The following FILIP1L variants were observed in gnomAD, a reference collection of about 807,000 sequenced individuals.
The protein encoded by FILIP1L is filamin A interacting protein 1 like, also known as filamin A-interacting protein 1-like.
In FILIP1L, 55 loss-of-function variants were observed where a neutral mutation model predicts 96.6. The observed-to-expected ratio is 0.57, with a 90% confidence interval of 0.46 to 0.71. The LOEUF (loss-of-function observed/expected upper bound fraction) is 0.71, where lower values mean the gene tolerates loss of function less well. FILIP1L is among the 30% of genes least tolerant of loss of function. FILIP1L has a pLI of 0.00. For missense variants in FILIP1L, 1,304 were observed against 1,321.2 expected, an observed-to-expected ratio of 0.99 and a Z score of 0.20; for synonymous variants, 467 against 473.9, an observed-to-expected ratio of 0.99 and a Z score of 0.19.
intron 1 of FILIP1L, among the ~76,000 whole-genome samples, chr3:100,046,835 C>T (rs1208840300): frequency 6.6e-6 from 1 of 152,154 alleles, no homozygotes; most frequent in East Asian, 1.9e-4. Flanking sequence ...AGTAAGTGCT[C>T]AGTGAGTGGT....
At chr3:99,832,424 G>T (rs1312747834) in intron 5 of FILIP1L, among the ~76,000 whole-genome samples, 1 of 149,250 alleles carries the variant, frequency 6.7e-6, no homozygotes, top group Non-Finnish European at 1.5e-5. Flanking sequence ...TAGAGACGGG[G>T]TTTCACTGTG....
rs370762577 is a variant in FILIP1L, at chr3:99,829,574, C to T, written c.*840G>A. Among the ~76,000 whole-genome samples the T allele has an allele frequency of 5.3e-5, 8 of 152,274 alleles. No homozygotes were observed. The East Asian group carries it at 9.6e-4, about 18-fold the overall frequency. ...GGCTTAGATTGATGAATGCAAAGCT[C>T]GTTGTCACATGAATGAAAATCTAGG... On this transcript the variant is annotated 3_prime_UTR_variant, in exon 6 of 6. Coordinates refer to ENST00000477258, the MANE Select transcript of FILIP1L (RefSeq NM_001387850.1).
chr3:99,978,933 G>T (rs892144357), intron 1 of FILIP1L, among the ~76,000 whole-genome samples: 1 of 152,116 alleles, frequency 6.6e-6, no homozygotes, highest in Non-Finnish European at 1.5e-5. Flanking sequence ...GATTACTGGA[G>T]GCTGGGAGGA....
In FILIP1L at chr3:100,045,853, C is replaced by A. The variant is rs540436491; in HGVS notation, c.-11+68200G>T. On this transcript the variant is annotated intron_variant, in intron 1 of 5. Transcript: ENST00000477258. ...TGGCATTCCTAATGATGATAATGAT[C>A]CCACTTGGTGGAGTCTGACCCTCCC... 2.6e-5 allele frequency among the ~76,000 whole-genome samples: 4 copies of A among 152,256 alleles called. No homozygotes were observed. In the East Asian group the frequency reaches 5.8e-4, roughly 22 times the overall value.
intron 4 of FILIP1L, among the ~76,000 whole-genome samples, chr3:99,884,487 G>A (rs1705829846): frequency 6.6e-6 from 1 of 152,162 alleles, no homozygotes; most frequent in Non-Finnish European, 1.5e-5. Flanking sequence ...AGTGGAAAGG[G>A]AAGGGAAAGG....
intron 5 of FILIP1L, among the ~76,000 whole-genome samples, chr3:99,845,998 A>G (rs958926836): frequency 1.3e-5 from 2 of 152,242 alleles, no homozygotes; most frequent in African/African-American, 4.8e-5. Context: ...TCATAATAGA[A>G]CACAAGACTT....
rs570126366 is a variant in FILIP1L, at chr3:100,073,458, G to A, written c.-11+40595C>T. Among the ~76,000 whole-genome samples the A allele has an allele frequency of 4.6e-5, 7 of 152,248 alleles. No homozygotes were observed. The East Asian group carries it at 1.3e-3, about 29-fold the overall frequency. Reference sequence around the variant, plus strand: ...AGTAAATGTTGTCTGCAGCTTCCTCGAAAAGACTGGGGTAGAGGAGATTGC... The same window carrying A: ...AGTAAATGTTGTCTGCAGCTTCCTCAAAAAGACTGGGGTAGAGGAGATTGC... On this transcript the variant is annotated intron_variant, in intron 1 of 5. Transcript: ENST00000477258.
chr3:100,059,397 A>C (rs2065520747), intron 1 of FILIP1L, among the ~76,000 whole-genome samples: 1 of 152,202 alleles, frequency 6.6e-6, no homozygotes, highest in African/African-American at 2.4e-5. Context: ...TTTTAGCCTC[A>C]TCTCCGTGAT....
chr3:100,013,467 C>T (rs1710227239), intron 1 of FILIP1L, among the ~76,000 whole-genome samples: 1 of 151,922 alleles, frequency 6.6e-6, no homozygotes, highest in South Asian at 2.1e-4. Flanking sequence ...TGGTCTCAAA[C>T]TCCTGACCTC....
At chr3:100,009,805 A>G (rs994777676) in intron 1 of FILIP1L, among the ~76,000 whole-genome samples, 1 of 152,182 alleles carries the variant, frequency 6.6e-6, no homozygotes, top group Non-Finnish European at 1.5e-5. Flanking sequence ...AGAGAGTGCA[A>G]TGTATGGTTT....
At chr3:99,890,518 C>T (rs958005114) in intron 4 of FILIP1L, among the ~76,000 whole-genome samples, 1 of 152,112 alleles carries the variant, frequency 6.6e-6, no homozygotes, top group African/African-American at 2.4e-5. Flanking sequence ...TTTATCTTCA[C>T]ATCCCTTAAC....
In FILIP1L at chr3:99,832,961, C is replaced by G. The variant is rs573589793; in HGVS notation, c.3382-2356G>C. 2.7e-5 allele frequency among the ~76,000 whole-genome samples: 4 copies of G among 146,300 alleles called. No homozygotes were observed. The South Asian group carries it at 8.7e-4, about 32-fold the overall frequency. ...CATCTCTTGGATCATTTTTATAGAG[C>G]GTTATGTCAAATAGCTCCAAGAAAG... On this transcript the variant is annotated intron_variant, in intron 5 of 5. Coordinates refer to ENST00000477258, the MANE Select transcript of FILIP1L (RefSeq NM_001387850.1).
At chr3:99,966,098 TACAGGGATATCTCTCTC>T (rs1341307753) in intron 1 of FILIP1L, among the ~76,000 whole-genome samples, 1 of 152,208 alleles carries the variant, frequency 6.6e-6, no homozygotes. Flanking sequence ...AAGTGATATT[TACAGGGATATCTCTCTC>T]ACAATATCTC....
At position 100,034,236 on chromosome 3, in the gene FILIP1L, A is replaced by T. The variant is rs564868066; in HGVS notation, c.-11+79817T>A. Among the ~76,000 whole-genome samples the T allele has an allele frequency of 2.6e-5, 4 of 152,328 alleles. No individual in the cohort carries two copies. The East Asian group carries it at 7.7e-4, about 29-fold the overall frequency. On this transcript the variant is annotated intron_variant, in intron 1 of 5. Transcript: ENST00000477258. Reference sequence around the variant, plus strand: ...AGACTGTCTCAAAAGTATATCCAGGAACTCAGAATGGGGGGAAAAAGCTGC... The same window carrying T: ...AGACTGTCTCAAAAGTATATCCAGGTACTCAGAATGGGGGGAAAAAGCTGC...
At chr3:100,012,809 G>C (rs1474736915) in intron 1 of FILIP1L, among the ~76,000 whole-genome samples, 2 of 119,254 alleles carry the variant, frequency 1.7e-5, no homozygotes, top group East Asian at 4.6e-4. Context: ...TTTTCTCTCT[G>C]TTGCCAAGGC....
intron 1 of FILIP1L, among the ~76,000 whole-genome samples, chr3:99,933,061 A>G (rs1438262298): frequency 6.6e-6 from 1 of 152,188 alleles, no homozygotes; most frequent in Non-Finnish European, 1.5e-5. Flanking sequence ...TTTACAGTGA[A>G]CAAATGGAAG....
At chr3:99,872,542 C>T (rs1321657732) in intron 4 of FILIP1L, among the ~76,000 whole-genome samples, 1 of 152,032 alleles carries the variant, frequency 6.6e-6, no homozygotes, top group African/African-American at 2.4e-5. Flanking sequence ...TACCTATCTA[C>T]TCCTCTACTT....
chr3:99,850,513 T>C lies in FILIP1L; in HGVS notation c.1163A>G (p.Glu388Gly), dbSNP rs1309506622. 6.2e-7 allele frequency: 1 copy of C among 1,613,182 alleles called. No homozygotes were observed. Among genetic ancestry groups the C allele is most frequent in the African/African-American group, 1.3e-5 (1 of 74,862 alleles). ...RVLDMEGKDE[E>G]LIKMEEQCRD... ...GCACTGCTCCTCCATTTTTATGAGCTCTTCATCTTTCCCTTCCATATCTAG... is the reference window on the plus strand; with the variant it reads ...GCACTGCTCCTCCATTTTTATGAGCCCTTCATCTTTCCCTTCCATATCTAG... The change falls in exon 5 of 6, where the codon GAG becomes GGG. Residue 388 changes from glutamate to glycine, a missense_variant. Physicochemically the swap from Glu to Gly is moderately conservative, Grantham distance 98 (BLOSUM62 -2). Coordinates refer to ENST00000477258, the MANE Select transcript of FILIP1L (RefSeq NM_001387850.1).
intron 5 of FILIP1L, among the ~76,000 whole-genome samples, chr3:99,843,807 A>T (rs1269294266): frequency 6.6e-6 from 1 of 152,146 alleles, no homozygotes; most frequent in Non-Finnish European, 1.5e-5. Context: ...GGTGAGTGGC[A>T]GGCAAGCGAG....
Sources: allele counts gnomAD v4.1 joint callset (sites outside exome capture counted in the v4.1 genomes callset), GRCh38; gene constraint gnomAD v4.1.1; transcripts MANE v1.5; gene names NCBI Gene and HGNC (gene_info 2026-07-23, HGNC 2026-07-21).